The following KAZN variants were observed in gnomAD, a reference collection of about 807,000 sequenced individuals.
KAZN encodes the protein kazrin, periplakin interacting protein, also known as kazrin.
Under a neutral mutation model 87.4 loss-of-function variants are expected in KAZN, and 40 were observed. That is an observed-to-expected ratio of 0.46 (90% CI 0.36 to 0.60). The LOEUF (loss-of-function observed/expected upper bound fraction) is 0.60. Ranked by LOEUF, KAZN falls within the 20% of genes least tolerant of loss-of-function variation. The pLI is 0.00. For synonymous variants in KAZN, 466 were observed against 458.3 expected, an observed-to-expected ratio of 1.02 and a Z score of -0.22; for missense variants, 898 against 1,073.9, an observed-to-expected ratio of 0.84 and a Z score of 2.29.
chr1:15,076,940 A>G (rs1037303976), intron 8 of KAZN, among the ~76,000 whole-genome samples: 27 of 152,170 alleles, frequency 1.8e-4, no homozygotes, highest in African/African-American at 6.5e-4. Context: ...CCTCATTTCA[A>G]CTACGCCACA....
In KAZN at chr1:15,066,022, C is replaced by G; in HGVS notation, c.1222+269C>G. 1 of 1,261,188 alleles carries G rather than the reference C, an allele frequency of 7.9e-7. No individual in the cohort carries two copies. The highest frequency in any genetic ancestry group is 1.0e-6 in the Non-Finnish European group (1 of 1,004,210). The allele number at this position is 1,261,188 out of a possible 1,614,324, so 78.1% of individuals were successfully genotyped here. On this transcript the variant is annotated intron_variant, in intron 8 of 14. Transcript: ENST00000376030. The surrounding 1 kb of genome is among the most constrained non-coding windows in gnomAD (Gnocchi z 4.3). ...TGTAATTGATGTACATACCGCAAAC[C>G]GTGTGTGAACCTGTCAACTCTCTGT... is the stretch of plus-strand genomic sequence containing the variant.
At chr1:14,345,452 A>T (rs748075813) in intron 2 of KAZN, among the ~76,000 whole-genome samples, 3 of 151,736 alleles carry the variant, frequency 2.0e-5, no homozygotes, top group Non-Finnish European at 2.9e-5. Context: ...AAACAGATGG[A>T]ATTAATTTCA....
intron 1 of KAZN, among the ~76,000 whole-genome samples, chr1:14,125,363 TC>T (rs1051764930): frequency 5.3e-5 from 8 of 152,130 alleles, no homozygotes; most frequent in African/African-American, 1.9e-4. Context: ...AGCCAAACAT[TC>T]CCCAGGAACT....
intron 1 of KAZN, among the ~76,000 whole-genome samples, chr1:14,179,867 A>G (rs905366096): frequency 6.6e-5 from 10 of 152,236 alleles, no homozygotes; most frequent in Admixed American, 2.6e-4. Flanking sequence ...CTTAAAATCT[A>G]TAACACATCA....
intron 2 of KAZN, among the ~76,000 whole-genome samples, chr1:14,971,714 C>T (rs1272547652): frequency 7.3e-6 from 1 of 137,260 alleles, no homozygotes; most frequent in Non-Finnish European, 1.5e-5. Context: ...CGGACTCTCG[C>T]TCTGTTGCCC....
intron 6 of KAZN, 107 bp from the exon 7 acceptor site, chr1:15,063,465 G>A: frequency 1.1e-6 from 1 of 948,532 alleles, no homozygotes; most frequent in South Asian, 1.3e-5. Flanking sequence ...GGTGGCCCCT[G>A]AGAGATGGCA....
intron 1 of KAZN, among the ~76,000 whole-genome samples, chr1:14,681,638 TATATATATATATATATATA>T (rs1441256181): frequency 1.5e-3 from 18 of 12,310 alleles, no homozygotes; most frequent in South Asian, 8.1e-3. Context: ...TATATATATA[TATATATATATATATATATA>T]TTTTTTTTTT....
intron 2 of KAZN, among the ~76,000 whole-genome samples, chr1:14,240,540 A>G (rs1309724408): frequency 6.6e-6 from 1 of 152,232 alleles, no homozygotes; most frequent in Non-Finnish European, 1.5e-5. Flanking sequence ...AGCCAGGCCC[A>G]AATATCCCCA....
chr1:15,096,846 C>T lies in KAZN; in HGVS notation c.1547+1913C>T, dbSNP rs1421112424. On this transcript the variant is annotated intron_variant, in intron 10 of 14. Coordinates refer to ENST00000376030, the MANE Select transcript of KAZN (RefSeq NM_201628.3). This position sits in a 1 kb window ranked among gnomAD's most constrained non-coding sequence, Gnocchi z 4.5. ...CTCCCAAAGGCCCCAGCCACAAATACCATCACATCGAAGGTTAGGATTTCA... is the reference window on the plus strand; with the variant it reads ...CTCCCAAAGGCCCCAGCCACAAATATCATCACATCGAAGGTTAGGATTTCA... 6.6e-6 allele frequency among the ~76,000 whole-genome samples: 1 copy of T among 152,180 alleles called. No individual in the cohort carries two copies. The highest frequency in any genetic ancestry group is 2.4e-5 in the African/African-American group (1 of 41,442).
intron 1 of KAZN, among the ~76,000 whole-genome samples, chr1:14,690,053 G>C (rs1003779316): frequency 6.6e-6 from 1 of 152,032 alleles, no homozygotes; most frequent in African/African-American, 2.4e-5. Context: ...TCCCTTTATG[G>C]CCAAAGCAAC....
At chr1:14,495,486 G>A (rs1479132181) in intron 2 of KAZN, among the ~76,000 whole-genome samples, 1 of 152,204 alleles carries the variant, frequency 6.6e-6, no homozygotes, top group African/African-American at 2.4e-5. Context: ...GCAAAGAGAA[G>A]AAATTCATGC....
At chr1:15,078,001 G>C (rs1188300982) in intron 8 of KAZN, among the ~76,000 whole-genome samples, 1 of 152,190 alleles carries the variant, frequency 6.6e-6, no homozygotes, top group Non-Finnish European at 1.5e-5. Flanking sequence ...GCTTAGGGCT[G>C]AGGATGCAGA....
chr1:14,050,150 A>G (rs1341405379), intron 1 of KAZN, among the ~76,000 whole-genome samples: 1 of 132,112 alleles, frequency 7.6e-6, no homozygotes, highest in African/African-American at 2.7e-5. Flanking sequence ...GGATTTGGGT[A>G]TGCTTGTGCG....
intron 2 of KAZN, among the ~76,000 whole-genome samples, chr1:14,512,528 G>A (rs986152860): frequency 2.0e-4 from 29 of 146,628 alleles, no homozygotes; most frequent in Non-Finnish European, 2.7e-4. Context: ...TGCATGGGTA[G>A]ATTCAGGACA....
intron 2 of KAZN, among the ~76,000 whole-genome samples, chr1:14,363,249 T>C (rs1328134060): frequency 6.6e-6 from 1 of 152,190 alleles, no homozygotes; most frequent in Non-Finnish European, 1.5e-5. Flanking sequence ...TTTAGCCTGG[T>C]AGACAGAAAA....
chr1:14,423,769 C>A (rs1232233391), intron 2 of KAZN, among the ~76,000 whole-genome samples: 1 of 152,184 alleles, frequency 6.6e-6, no homozygotes, highest in African/African-American at 2.4e-5. Flanking sequence ...GGACCAGTGA[C>A]CCGGGCCTGG....
rs1676810293 is a variant in KAZN, at chr1:14,599,818, C to T, written c.226+595C>T. ...CAGCTCAGCAGGGAGTTTAAATTTC[C>T]GCAAATATAAACACCGAGAGCACTT... On this transcript the variant is annotated intron_variant, in intron 1 of 14. Transcript: ENST00000376030. This position sits in a 1 kb window ranked among gnomAD's most constrained non-coding sequence, Gnocchi z 4.4. Among the ~76,000 whole-genome samples, 1 of 151,912 alleles carries T rather than the reference C, an allele frequency of 6.6e-6. No homozygotes were observed. The highest frequency in any genetic ancestry group is 1.5e-5 in the Non-Finnish European group (1 of 68,000).
intron 2 of KAZN, among the ~76,000 whole-genome samples, chr1:14,568,422 C>T (rs1674666621): frequency 6.6e-6 from 1 of 152,190 alleles, no homozygotes; most frequent in Admixed American, 6.5e-5. Flanking sequence ...GTTCAGTGGA[C>T]TCACAATTCC....
At chr1:14,882,053 G>A (rs1051625359) in intron 1 of KAZN, among the ~76,000 whole-genome samples, 2 of 152,158 alleles carry the variant, frequency 1.3e-5, no homozygotes, top group African/African-American at 4.8e-5. Context: ...TAGCTCTGGC[G>A]TGGGACCTGG....
Sources: allele counts gnomAD v4.1 joint callset (sites outside exome capture counted in the v4.1 genomes callset), GRCh38; gene constraint gnomAD v4.1.1; non-coding constraint Gnocchi (gnomAD v3.1); transcripts MANE v1.5; gene names NCBI Gene and HGNC (gene_info 2026-07-23, HGNC 2026-07-21).